Variants in FAM171A1 observed in about 807,000 individuals in gnomAD.
The protein encoded by FAM171A1 is protein FAM171A1.
In FAM171A1, 23 loss-of-function variants were observed where a neutral mutation model predicts 74.9. That is an observed-to-expected ratio of 0.31 (90% CI 0.22 to 0.44). The LOEUF (loss-of-function observed/expected upper bound fraction) is 0.44. FAM171A1 is among the 20% of genes least tolerant of loss of function. The pLI is 1.00. For missense variants in FAM171A1, 1,162 were observed against 1,159.2 expected (o/e 1.00, Z -0.03); for synonymous variants, 527 against 505.7 (o/e 1.04, Z -0.57).
At position 15,213,726 on chromosome 10, in the gene FAM171A1, G is replaced by A; in HGVS notation, c.1862C>T (p.Pro621Leu). ...IERLQAELSNPHAGIFPHPSS... is the reference protein window; with the variant it reads ...IERLQAELSNLHAGIFPHPSS... Reference sequence around the variant, plus strand: ...CGGGTGTGGGAAGATCCCGGCATGGGGATTGGACAGCTCAGCCTGTAGTCT... The same window carrying A: ...CGGGTGTGGGAAGATCCCGGCATGGAGATTGGACAGCTCAGCCTGTAGTCT... Residue 621 changes from proline (P) to leucine (L), a missense_variant, in exon 8 of 8, where the codon CCC (proline) becomes CTC (leucine). Transcript: ENST00000378116. This position sits in a 1 kb window ranked among gnomAD's most constrained non-coding sequence, Gnocchi z 6.8. 1.9e-6 allele frequency: 3 copies of A among 1,613,134 alleles called. No individual in the cohort carries two copies. Among genetic ancestry groups the A allele is most frequent in the Non-Finnish European group, 2.5e-6 (3 of 1,179,350 alleles).
Position 15,254,586 on chromosome 10 carries a change from G to A in FAM171A1, c.577+135C>T. 3.2e-6 allele frequency: 3 copies of A among 944,738 alleles called. No individual in the cohort carries two copies. The South Asian group carries it at 5.3e-5, about 17-fold the overall frequency. 58.5% of individuals were successfully genotyped at this position (944,738 alleles called of 1,614,324 possible). A position where few individuals can be genotyped will look rare whatever the true frequency, so the allele number is the denominator to read the frequency against. ...ACACAGTTTCAAAGCACTTGAACTT[G>A]TACCAAGAATTCCCCTTCTGCACCT... On this transcript the variant is annotated intron_variant, in intron 4 of 7. Coordinates refer to ENST00000378116, the MANE Select transcript of FAM171A1 (RefSeq NM_001010924.2).
intron 5 of FAM171A1, among the ~76,000 whole-genome samples, chr10:15,230,566 A>T (rs1450863771): frequency 6.6e-6 from 1 of 152,202 alleles, no homozygotes; most frequent in East Asian, 1.9e-4. Context: ...TAACACGATG[A>T]CTGTATTCAG....
chr10:15,249,813 G>A (rs374748713), intron 4 of FAM171A1, among the ~76,000 whole-genome samples: 1 of 152,164 alleles, frequency 6.6e-6, no homozygotes, highest in Admixed American at 6.5e-5. Context: ...ATAAATTAGA[G>A]AATGCTTATG....
intron 1 of FAM171A1, among the ~76,000 whole-genome samples, chr10:15,360,638 T>C (rs1156727600): frequency 2.6e-5 from 4 of 152,180 alleles, no homozygotes; most frequent in Admixed American, 6.5e-5. Flanking sequence ...CCAGCAAACA[T>C]CATGAATGGG....
At chr10:15,301,896 G>C (rs143294338) in intron 1 of FAM171A1, among the ~76,000 whole-genome samples, 39 of 152,250 alleles carry the variant, frequency 2.6e-4, no homozygotes, top group African/African-American at 8.7e-4. Flanking sequence ...AAGAACCCAA[G>C]GAACTATATG....
At chr10:15,281,568 A>T (rs1834971222) in intron 2 of FAM171A1, among the ~76,000 whole-genome samples, 1 of 152,232 alleles carries the variant, frequency 6.6e-6, no homozygotes, top group Non-Finnish European at 1.5e-5. Context: ...CATTTGTAAT[A>T]GTACAGATAT....
At chr10:15,214,711 C>T (rs2131702142) in intron 7 of FAM171A1, 110 bp from the exon 8 acceptor site, 1 of 1,386,862 alleles carries the variant, frequency 7.2e-7, no homozygotes, top group South Asian at 1.6e-5. Context: ...AGAGACAAAA[C>T]AAAACAAGTC....
chr10:15,361,876 C>A (rs1488817994), intron 1 of FAM171A1, among the ~76,000 whole-genome samples: 1 of 152,192 alleles, frequency 6.6e-6, no homozygotes, highest in Non-Finnish European at 1.5e-5. Context: ...AAATGTTCAT[C>A]TGACTTGGAA....
intron 5 of FAM171A1, among the ~76,000 whole-genome samples, chr10:15,229,337 A>G (rs1834152815): frequency 1.3e-5 from 2 of 152,150 alleles, no homozygotes; most frequent in South Asian, 4.1e-4. Flanking sequence ...GCATGGAGTG[A>G]GCACTAGCTC....
At chr10:15,330,069 T>A (rs557966494) in intron 1 of FAM171A1, among the ~76,000 whole-genome samples, 178 of 152,272 alleles carry the variant, frequency 1.2e-3, no homozygotes, top group African/African-American at 4.1e-3. Flanking sequence ...GGGCTGGGCG[T>A]GGTGGCTCAC....
At chr10:15,321,506 T>C (rs190054286) in intron 1 of FAM171A1, among the ~76,000 whole-genome samples, 93 of 152,364 alleles carry the variant, frequency 6.1e-4, no homozygotes, top group African/African-American at 1.9e-3. Context: ...ACTAAAACTA[T>C]GCCCTGGTTT....
chr10:15,346,087 C>T (rs186454649), intron 1 of FAM171A1, among the ~76,000 whole-genome samples: 46 of 152,150 alleles, frequency 3.0e-4, no homozygotes, highest in Admixed American at 7.9e-4. Context: ...CCCATCAAAG[C>T]GGGGCTGCTT....
chr10:15,228,066 A>G (rs1834131979), intron 5 of FAM171A1, among the ~76,000 whole-genome samples: 1 of 152,216 alleles, frequency 6.6e-6, no homozygotes, highest in Non-Finnish European at 1.5e-5. Context: ...ACTCTAAAGT[A>G]TGAAAAACGG....
chr10:15,301,903 T>C (rs1835234023), intron 1 of FAM171A1, among the ~76,000 whole-genome samples: 2 of 152,172 alleles, frequency 1.3e-5, no homozygotes, highest in Non-Finnish European at 2.9e-5. Flanking sequence ...CAAGGAACTA[T>C]ATGCATTATG....
intron 5 of FAM171A1, among the ~76,000 whole-genome samples, chr10:15,224,497 T>C (rs1834079932): frequency 6.6e-6 from 1 of 152,150 alleles, no homozygotes; most frequent in Non-Finnish European, 1.5e-5. Flanking sequence ...GGTTTGGCTA[T>C]GTCCCCACCC....
chr10:15,213,028 T>G lies in FAM171A1; in HGVS notation c.2560A>C (p.Arg854=), dbSNP rs773722436. ...TCTTCCTCTTCCTCGTGGGCAGATC[T>G]TCTCTGGTGGGGGCTGGCTGCTGGC... ...SEPAASPHQR[R]SAHEEEEDDD... The change falls in exon 8 of 8, where the codon AGA becomes CGA. Residue 854 remains arginine, a synonymous_variant. Coordinates refer to ENST00000378116, the MANE Select transcript of FAM171A1 (RefSeq NM_001010924.2). The surrounding 1 kb of genome is among the most constrained non-coding windows in gnomAD (Gnocchi z 6.8). The G allele has an allele frequency of 3.7e-6, 6 of 1,613,928 alleles. No homozygotes were observed. Among genetic ancestry groups the G allele is most frequent in the Non-Finnish European group, 4.2e-6 (5 of 1,180,008 alleles).
At chr10:15,282,443 C>T (rs191660069) in intron 2 of FAM171A1, among the ~76,000 whole-genome samples, 86 of 152,296 alleles carry the variant, frequency 5.6e-4, no homozygotes, top group Non-Finnish European at 1.0e-3. Flanking sequence ...AACAAAGGCA[C>T]GTACTATTGA....
At chr10:15,221,122 C>G in intron 5 of FAM171A1, 62 bp from the exon 6 acceptor site, 1 of 1,385,010 alleles carries the variant, frequency 7.2e-7, no homozygotes, top group Non-Finnish European at 1.0e-6. Context: ...AAGGCTTGAG[C>G]ATATTGTAAA....
chr10:15,268,549 T>G lies in FAM171A1; in HGVS notation c.418+7306A>C, dbSNP rs188302629. On this transcript the variant is annotated intron_variant, in intron 3 of 7. Transcript: ENST00000378116. ...CAAGCTCTATGTGTCCATACTGAGT[T>G]GGAGGTGCCTGACAGGCCTCCAAGC... Among the ~76,000 whole-genome samples, 748 of 152,146 alleles carry G rather than the reference T, an allele frequency of 4.9e-3. 5 individuals are homozygous for G. The highest frequency in any genetic ancestry group is 0.016 in the African/African-American group (679 of 41,498).
Sources: gnomAD v4.1 joint callset for allele counts (sites outside exome capture counted in the v4.1 genomes callset) on GRCh38, gnomAD v4.1.1 for gene constraint, Gnocchi (gnomAD v3.1) non-coding constraint, MANE v1.5 for transcripts, NCBI Gene and HGNC (gene_info 2026-07-23, HGNC 2026-07-21) for gene names.